The following CUL1 variants were observed in gnomAD, a reference collection of about 807,000 sequenced individuals.
CUL1 encodes cullin-1.
A neutral mutation model predicts 118.0 loss-of-function variants in CUL1; 24 were observed. That is an observed-to-expected ratio of 0.20 (90% CI 0.15 to 0.29). CUL1 has a LOEUF of 0.29. Among genes scored for constraint, CUL1 ranks in the 10% least tolerant of loss-of-function variants. CUL1 has a pLI of 1.00. For missense variants in CUL1, 361 were observed against 933.8 expected (o/e 0.39, Z 7.99); for synonymous variants, 332 against 340.4 (o/e 0.98, Z 0.27).
Position 148,789,052 on chromosome 7 carries a change from C to G in CUL1, c.1597+378C>G, listed in dbSNP as rs142717897. Among the ~76,000 whole-genome samples the G allele has an allele frequency of 1.4e-3, 216 of 152,282 alleles. 2 individuals are homozygous for G. The highest frequency in any genetic ancestry group is 5.1e-3 in the African/African-American group (210 of 41,562). On this transcript the variant is annotated intron_variant, in intron 14 of 21. Transcript: ENST00000325222. ...GTGGCTTCAGACTGGGATTAGGGAT[C>G]AGTACAGGCAGGTGCAGGTGATTCA...
chr7:148,785,207 A>G (rs1800775086), intron 11 of CUL1, among the ~76,000 whole-genome samples: 1 of 152,012 alleles, frequency 6.6e-6, no homozygotes, highest in South Asian at 2.1e-4. Flanking sequence ...TTTAATGTGT[A>G]ATTTAACAAT....
intron 1 of CUL1, among the ~76,000 whole-genome samples, chr7:148,725,219 G>GCGCGCGCGCGCACACACACACA: frequency 4.8e-4 from 67 of 140,054 alleles, no homozygotes; most frequent in Admixed American, 3.3e-3. Context: ...ACACGCGCGC[G>GCGCGCGCGCGCACACACACACA]CTCACACACA....
Position 148,800,398 on chromosome 7 carries a change from G to A in CUL1, c.2251-104G>A, listed in dbSNP as rs982770326. ...GGGACACTGCTCCCCACTGAGCTCC[G>A]AATCAGGGGAGATTTGTGGTGGGGG... On this transcript the variant is annotated intron_variant, in intron 21 of 21. Coordinates refer to ENST00000325222, the MANE Select transcript of CUL1 (RefSeq NM_003592.3). The surrounding 1 kb of genome is among the most constrained non-coding windows in gnomAD (Gnocchi z 4.6). The A allele has an allele frequency of 3.1e-5, 28 of 891,288 alleles. No homozygotes were observed. Among genetic ancestry groups the A allele is most frequent in the African/African-American group, 6.6e-5 (4 of 60,328 alleles). 55.2% of individuals were successfully genotyped at this position (891,288 alleles called of 1,614,324 possible).
intron 1 of CUL1, among the ~76,000 whole-genome samples, chr7:148,725,298 A>G (rs1455291873): frequency 6.6e-6 from 1 of 151,830 alleles, no homozygotes; most frequent in Non-Finnish European, 1.5e-5. Flanking sequence ...TCTTGTATCC[A>G]TTGGAGCAGG....
At chr7:148,727,976 C>A (rs1798641038) in intron 1 of CUL1, among the ~76,000 whole-genome samples, 1 of 152,124 alleles carries the variant, frequency 6.6e-6, no homozygotes, top group South Asian at 2.1e-4. Context: ...CGATTTTAGA[C>A]AGCTGACGGC....
chr7:148,764,014 C>A (rs1196424604), intron 7 of CUL1, among the ~76,000 whole-genome samples: 1 of 152,024 alleles, frequency 6.6e-6, no homozygotes, highest in Admixed American at 6.5e-5. Context: ...GTTAGTGTTT[C>A]TAAAAGATTT....
intron 1 of CUL1, among the ~76,000 whole-genome samples, chr7:148,699,588 C>T (rs565460991): frequency 2.6e-5 from 4 of 152,328 alleles, no homozygotes; most frequent in East Asian, 3.9e-4. Flanking sequence ...GGCTCTCTCG[C>T]TTTCCGGTTC....
At chr7:148,717,408 G>T (rs1798248174) in intron 1 of CUL1, among the ~76,000 whole-genome samples, 1 of 152,086 alleles carries the variant, frequency 6.6e-6, no homozygotes, top group Admixed American at 6.6e-5. Context: ...ATAAATTGTT[G>T]GAAGTTCAAA....
intron 1 of CUL1, among the ~76,000 whole-genome samples, chr7:148,710,778 G>T (rs1038859866): frequency 6.6e-6 from 1 of 151,428 alleles, no homozygotes; most frequent in Non-Finnish European, 1.5e-5. Flanking sequence ...ATTCTCCTGC[G>T]TCAGCCTCCC....
intron 4 of CUL1, among the ~76,000 whole-genome samples, chr7:148,758,885 A>AT (rs1329799781): frequency 1.3e-5 from 2 of 152,134 alleles, no homozygotes; most frequent in Admixed American, 6.6e-5. Context: ...GGCTAATGGG[A>AT]TTTTTTCTTT....
At chr7:148,783,239 C>T in intron 9 of CUL1, 1 of 723,444 alleles carries the variant, frequency 1.4e-6, no homozygotes, top group Non-Finnish European at 1.7e-6. Flanking sequence ...CCCTGCGCCG[C>T]GCTCCGCCCC....
chr7:148,745,049 G>C (rs553106658), intron 2 of CUL1, among the ~76,000 whole-genome samples: 26 of 151,934 alleles, frequency 1.7e-4, no homozygotes, highest in Non-Finnish European at 2.8e-4. Context: ...TGGTTTTCTA[G>C]AAGTTTTAAT....
chr7:148,730,889 G>A (rs78239409), intron 2 of CUL1, among the ~76,000 whole-genome samples: 4 of 152,024 alleles, frequency 2.6e-5, no homozygotes, highest in Non-Finnish European at 4.4e-5. Flanking sequence ...ACAGCTCACC[G>A]CAGCCTCAAC....
chr7:148,729,454 C>T (rs1177019954), intron 1 of CUL1, among the ~76,000 whole-genome samples: 2 of 152,154 alleles, frequency 1.3e-5, no homozygotes, highest in Non-Finnish European at 2.9e-5. Context: ...GCCAGATTCC[C>T]TCCTTAAAAA....
chr7:148,752,071 A>G (rs243483), intron 2 of CUL1, among the ~76,000 whole-genome samples: 37,684 of 152,114 alleles, frequency 0.25, 5,528 homozygotes, highest in South Asian at 0.35. Flanking sequence ...AGATCACGCC[A>G]TTGCACTCCA....
At chr7:148,711,164 T>A (rs1305846121) in intron 1 of CUL1, among the ~76,000 whole-genome samples, 1 of 152,204 alleles carries the variant, frequency 6.6e-6, no homozygotes, top group Non-Finnish European at 1.5e-5. Context: ...CTTGACTGAT[T>A]TAAATGTACA....
intron 2 of CUL1, among the ~76,000 whole-genome samples, chr7:148,737,487 C>T (rs1421414080): frequency 6.6e-6 from 1 of 151,414 alleles, no homozygotes; most frequent in Non-Finnish European, 1.5e-5. Context: ...TGTGAGCCTG[C>T]TGTTCTGCCA....
In CUL1 at chr7:148,801,062, T is replaced by C. The variant is rs1461839328; in HGVS notation, c.*480T>C. The stretch of plus-strand genomic sequence containing the variant: ...GTCGCATTGGGTTTTGTTTTAAGTT[T>C]TACTAATTTCTATATGTAAATAAAA... On this transcript the variant is annotated 3_prime_UTR_variant, in exon 22 of 22. Coordinates refer to ENST00000325222, the MANE Select transcript of CUL1 (RefSeq NM_003592.3). 1 of 152,974 alleles carries C rather than the reference T, an allele frequency of 6.5e-6. No homozygotes were observed. Among genetic ancestry groups the C allele is most frequent in the Non-Finnish European group, 1.5e-5 (1 of 68,284 alleles). 9.5% of individuals were successfully genotyped at this position (152,974 alleles called of 1,614,324 possible).
chr7:148,795,224 C>T (rs1325657058), intron 17 of CUL1, among the ~76,000 whole-genome samples: 8 of 151,956 alleles, frequency 5.3e-5, no homozygotes, highest in Admixed American at 2.0e-4. Context: ...TAGCTCACTG[C>T]GGTATCAAAT....
Sources: gnomAD v4.1 joint callset for allele counts (sites outside exome capture counted in the v4.1 genomes callset) on GRCh38, gnomAD v4.1.1 for gene constraint, Gnocchi (gnomAD v3.1) non-coding constraint, MANE v1.5 for transcripts, NCBI Gene and HGNC (gene_info 2026-07-23, HGNC 2026-07-21) for gene names.